Variants in AJAP1 observed in about 807,000 individuals in gnomAD.
AJAP1 encodes adherens junctions associated protein 1.
AJAP1 carries 5 observed loss-of-function variants against 35.0 expected under a neutral mutation model. The observed-to-expected ratio is 0.14, with a 90% CI of 0.07 to 0.30. The LOEUF is 0.30. Among genes scored for constraint, AJAP1 ranks in the 10% least tolerant of loss-of-function variants. The pLI, the probability that AJAP1 is intolerant of heterozygous loss-of-function variation, is 1.00. For synonymous variants in AJAP1, 284 were observed against 249.3 expected, an observed-to-expected ratio of 1.14 and a Z score of -1.31; for missense variants, 586 against 571.0, an observed-to-expected ratio of 1.03 and a Z score of -0.27.
Position 4,693,330 on chromosome 1 carries a change from G to A in AJAP1, c.30-18570G>A, listed in dbSNP as rs1409110281. ...CTGATGGAGAGGGACTCTCGGCTTC[G>A]GAGGGAAGAACCCCATGGGGGACTG... On this transcript the variant is annotated intron_variant, in intron 1 of 5. Coordinates refer to ENST00000378191, the MANE Select transcript of AJAP1 (RefSeq NM_018836.4). The surrounding 1 kb of genome is among the most constrained non-coding windows in gnomAD (Gnocchi z 4.4). Among the ~76,000 whole-genome samples, 5 of 151,438 alleles carry A rather than the reference G, an allele frequency of 3.3e-5. No individual in the cohort carries two copies. Among genetic ancestry groups the A allele is most frequent in the African/African-American group, 4.9e-5 (2 of 41,228 alleles).
intron 2 of AJAP1, among the ~76,000 whole-genome samples, chr1:4,761,447 G>A (rs1337200110): frequency 6.6e-6 from 1 of 152,228 alleles, no homozygotes; most frequent in African/African-American, 2.4e-5. Flanking sequence ...CAGGGGACAT[G>A]AGTACAACTT....
rs1642228419 is a variant in AJAP1, at chr1:4,790,264, C to T, written c.*7779C>T. ...TATTCTGGGGTGGAAACACCATTCT[C>T]TATTATTTCTCTCACATACATGTGG... On this transcript the variant is annotated 3_prime_UTR_variant, in exon 6 of 6. Transcript: ENST00000378191. 2.0e-5 allele frequency: 3 copies of T among 152,230 alleles called. No homozygotes were observed. Among genetic ancestry groups the T allele is most frequent in the Admixed American group, 2.0e-4 (3 of 15,288 alleles). 9.4% of individuals were successfully genotyped at this position (152,230 alleles called of 1,614,324 possible).
intron 2 of AJAP1, among the ~76,000 whole-genome samples, chr1:4,746,219 C>T (rs1641183795): frequency 6.6e-6 from 1 of 152,160 alleles, no homozygotes; most frequent in African/African-American, 2.4e-5. Context: ...CTGCCTCCAT[C>T]ATCCCGTGGC....
Position 4,655,500 on chromosome 1 carries a change from C to T in AJAP1, c.29+46C>T. ...CGGGTGCGTGTGGGCGCGTGGGTGC[C>T]AGGCTGGGCGGAAGCGGCGCTTTCC... On this transcript the variant is annotated intron_variant, in intron 1 of 5. Coordinates refer to ENST00000378191, the MANE Select transcript of AJAP1 (RefSeq NM_018836.4). The surrounding 1 kb of genome is among the most constrained non-coding windows in gnomAD (Gnocchi z 6.9). 6.4e-7 allele frequency: 1 copy of T among 1,551,944 alleles called. No individual in the cohort carries two copies. Among genetic ancestry groups the T allele is most frequent in the Non-Finnish European group, 8.7e-7 (1 of 1,147,114 alleles).
chr1:4,769,797 C>T (rs1259630383), intron 2 of AJAP1, 56 bp from the exon 3 acceptor site: 14 of 1,492,066 alleles, frequency 9.4e-6, no homozygotes, highest in East Asian at 4.5e-5. Flanking sequence ...CCCGGCCCCC[C>T]TCGCCTCCTG....
At position 4,749,732 on chromosome 1, in the gene AJAP1, T is replaced by C. The variant is rs546643158; in HGVS notation, c.830-20121T>C. On this transcript the variant is annotated intron_variant, in intron 2 of 5. Transcript: ENST00000378191. ...ACCAGAGGCCTTGCATCCAGGCAGG[T>C]GTTTCATGAAGGGTGTGTGGGTGTG... Among the ~76,000 whole-genome samples, 6 of 152,258 alleles carry C rather than the reference T, an allele frequency of 3.9e-5. No individual in the cohort carries two copies. The South Asian group carries it at 1.2e-3, about 32-fold the overall frequency.
intron 2 of AJAP1, among the ~76,000 whole-genome samples, chr1:4,742,435 C>G (rs1173802601): frequency 1.3e-5 from 2 of 152,216 alleles, no homozygotes; most frequent in African/African-American, 4.8e-5. Flanking sequence ...TCATGAAAGT[C>G]TAGGAAGGGC....
At chr1:4,677,199 C>T (rs1248792927) in intron 1 of AJAP1, among the ~76,000 whole-genome samples, 2 of 152,106 alleles carry the variant, frequency 1.3e-5, no homozygotes, top group Admixed American at 6.5e-5. Flanking sequence ...GCCTCTAATG[C>T]GATGCTATGA....
At position 4,788,931 on chromosome 1, in the gene AJAP1, C is replaced by T. The variant is rs1263346611; in HGVS notation, c.*6446C>T. 1.3e-5 allele frequency: 2 copies of T among 152,178 alleles called. No individual in the cohort carries two copies. The highest frequency in any genetic ancestry group is 4.8e-5 in the African/African-American group (2 of 41,426). The allele number at this position is 152,178 out of a possible 1,614,324, so 9.4% of individuals were successfully genotyped here. On this transcript the variant is annotated 3_prime_UTR_variant, in exon 6 of 6. Transcript: ENST00000378191. Reference sequence around the variant, plus strand: ...AGGTGACTGAAGAGAATGGTCAACTCGGTGGTGATGGGCCTGTTTTGGAGC... The same window carrying T: ...AGGTGACTGAAGAGAATGGTCAACTTGGTGGTGATGGGCCTGTTTTGGAGC...
At chr1:4,679,555 A>C in intron 1 of AJAP1, among the ~76,000 whole-genome samples, 1 of 152,188 alleles carries the variant, frequency 6.6e-6, no homozygotes, top group East Asian at 1.9e-4. Context: ...ATAGTTCTGG[A>C]GACTAGATGT....
chr1:4,663,510 T>C (rs1354442252), intron 1 of AJAP1, among the ~76,000 whole-genome samples: 1 of 152,058 alleles, frequency 6.6e-6, no homozygotes, highest in African/African-American at 2.4e-5. Flanking sequence ...AAGAGAACAT[T>C]TCCCATCCTG....
At chr1:4,726,963 T>C (rs1429114853) in intron 2 of AJAP1, among the ~76,000 whole-genome samples, 2 of 152,176 alleles carry the variant, frequency 1.3e-5, no homozygotes, top group African/African-American at 4.8e-5. Context: ...GTGTCCTCAC[T>C]GTGGCTTCTG....
In AJAP1 at chr1:4,702,030, TATATCCTCAGTGTTCTGAC is replaced by T. The variant is rs1302107736; in HGVS notation, c.30-9867_30-9849del. Among the ~76,000 whole-genome samples the T allele has an allele frequency of 7.5e-4, 114 of 152,348 alleles. 1 individual carries two copies. The highest frequency in any genetic ancestry group is 2.5e-3 in the African/African-American group (104 of 41,586). On this transcript the variant is annotated intron_variant, in intron 1 of 5. Transcript: ENST00000378191. ...TACTGATTTTGCCCTAGTTTTCTAG[TATATCCTCAGTGTTCTGAC>T]ATGTCCTCAGTGTTCTAACGTGTCC...
chr1:4,667,478 G>A (rs1287158493), intron 1 of AJAP1, among the ~76,000 whole-genome samples: 1 of 152,166 alleles, frequency 6.6e-6, no homozygotes, highest in Non-Finnish European at 1.5e-5. Flanking sequence ...GCGGGTGGAT[G>A]GTTTCTGGAT....
At chr1:4,703,315 C>T (rs1640030326) in intron 1 of AJAP1, among the ~76,000 whole-genome samples, 1 of 152,048 alleles carries the variant, frequency 6.6e-6, no homozygotes, top group African/African-American at 2.4e-5. Context: ...GGGGGATGGC[C>T]ATGTCCCCTG....
chr1:4,730,046 G>C (rs532903754), intron 2 of AJAP1, among the ~76,000 whole-genome samples: 22 of 152,304 alleles, frequency 1.4e-4, no homozygotes, highest in Admixed American at 1.3e-3. Flanking sequence ...CCCCAGAAGA[G>C]AGAAGCCTTA....
At chr1:4,689,514 G>A (rs900495963) in intron 1 of AJAP1, among the ~76,000 whole-genome samples, 1 of 152,196 alleles carries the variant, frequency 6.6e-6, no homozygotes, top group African/African-American at 2.4e-5. Flanking sequence ...GATGGCCCCT[G>A]GGGCCCTGGC....
At chr1:4,666,782 G>T (rs1380884288) in intron 1 of AJAP1, among the ~76,000 whole-genome samples, 1 of 146,054 alleles carries the variant, frequency 6.8e-6, no homozygotes, top group African/African-American at 2.5e-5. Flanking sequence ...TGCGGAGAGG[G>T]GCCCGTGAAT....
intron 2 of AJAP1, among the ~76,000 whole-genome samples, chr1:4,762,158 C>T (rs1035284598): frequency 2.0e-5 from 3 of 152,182 alleles, no homozygotes; most frequent in East Asian, 1.9e-4. Flanking sequence ...CAAAACGCTG[C>T]GCAGGACAGC....
Sources: gnomAD v4.1 joint callset for allele counts (sites outside exome capture counted in the v4.1 genomes callset) on GRCh38, gnomAD v4.1.1 for gene constraint, Gnocchi (gnomAD v3.1) non-coding constraint, MANE v1.5 for transcripts, NCBI Gene and HGNC (gene_info 2026-07-23, HGNC 2026-07-21) for gene names.